GSAP: variants seen among roughly 807,000 people sequenced by gnomAD.
GSAP encodes the protein gamma-secretase-activating protein.
GSAP carries 118 observed loss-of-function variants against 131.7 expected under a neutral mutation model. That is an observed-to-expected ratio of 0.90 (90% confidence interval 0.77 to 1.04). The LOEUF is 1.04. Ranked by LOEUF, GSAP falls within the 50% of genes least tolerant of loss-of-function variation. The pLI, the probability that GSAP is intolerant of heterozygous loss-of-function variation, is 0.00. For synonymous variants in GSAP, 381 were observed against 363.4 expected, an observed-to-expected ratio of 1.05 and a Z score of -0.55; for missense variants, 1,019 against 1,013.2, an observed-to-expected ratio of 1.01 and a Z score of -0.08.
At chr7:77,358,195 A>G (rs1448376650) in intron 14 of GSAP, among the ~76,000 whole-genome samples, 1 of 152,172 alleles carries the variant, frequency 6.6e-6, no homozygotes, top group African/African-American at 2.4e-5. Context: ...ATAAAAAATT[A>G]GCTGGGCATG....
intron 1 of GSAP, among the ~76,000 whole-genome samples, chr7:77,408,877 A>G (rs146857545): frequency 2.3e-4 from 35 of 152,246 alleles, no homozygotes; most frequent in African/African-American, 8.4e-4. Context: ...AAAAGACAAG[A>G]TAAAAAATAA....
chr7:77,360,725 TC>T, intron 14 of GSAP, 98 bp downstream of exon 14: 1 of 672,548 alleles, frequency 1.5e-6, no homozygotes, highest in Non-Finnish European at 2.7e-6. Context: ...AATCCGAGTC[TC>T]AAAGAGGCAT....
intron 14 of GSAP, among the ~76,000 whole-genome samples, chr7:77,360,417 G>A (rs1258700748): frequency 6.6e-6 from 1 of 152,098 alleles, no homozygotes; most frequent in African/African-American, 2.4e-5. Context: ...ATTAGCAACA[G>A]GAAATAGACA....
chr7:77,381,753 C>T (rs1367105270), intron 7 of GSAP, among the ~76,000 whole-genome samples: 1 of 151,996 alleles, frequency 6.6e-6, no homozygotes, highest in Non-Finnish European at 1.5e-5. Flanking sequence ...TTTGTATGAA[C>T]ATACCAGATA....
At chr7:77,316,708 CT>C (rs1554371168) in intron 26 of GSAP, among the ~76,000 whole-genome samples, 1 of 152,090 alleles carries the variant, frequency 6.6e-6, no homozygotes, top group Non-Finnish European at 1.5e-5. Context: ...CCTGATGACC[CT>C]TCATCCTCTA....
intron 6 of GSAP, among the ~76,000 whole-genome samples, 181 bp from the exon 7 acceptor site, chr7:77,382,824 C>T (rs1421025748): frequency 6.6e-6 from 1 of 152,154 alleles, no homozygotes; most frequent in Non-Finnish European, 1.5e-5. Context: ...AAACAGAACA[C>T]TTTCAGAACC....
intron 19 of GSAP, among the ~76,000 whole-genome samples, chr7:77,331,435 C>A (rs1368013239): frequency 6.6e-6 from 1 of 152,134 alleles, no homozygotes; most frequent in African/African-American, 2.4e-5. Flanking sequence ...TTGACTGGGG[C>A]CAGAGATGTA....
chr7:77,405,045 T>A (rs1484298804), intron 2 of GSAP, among the ~76,000 whole-genome samples: 1 of 152,256 alleles, frequency 6.6e-6, no homozygotes, highest in African/African-American at 2.4e-5. Flanking sequence ...AGTACAGTGA[T>A]ATAACTGTGC....
rs1554395428 is a variant in GSAP, at chr7:77,346,287, A to AAAAAAAAAAAG, written c.1545+3063_1545+3064insCTTTTTTTTTT. Among the ~76,000 whole-genome samples, 5 of 150,308 alleles carry AAAAAAAAAAAG rather than the reference A, an allele frequency of 3.3e-5. No homozygotes were observed. In the East Asian group the frequency reaches 7.8e-4, roughly 24 times the overall value. On this transcript the variant is annotated intron_variant, in intron 19 of 30. Transcript: ENST00000257626. ...CTCCATCTCAAAAAAAAAAAAAAAA[A>AAAAAAAAAAAG]AAAGAAAGAAAGAAAAAAAATTCTC...
chr7:77,352,952 A>C lies in GSAP; in HGVS notation c.1483T>G (p.Trp495Gly). The C allele has an allele frequency of 2.5e-6, 4 of 1,574,716 alleles. No individual in the cohort carries two copies. The highest frequency in any genetic ancestry group is 1.1e-5 in the South Asian group (1 of 90,224). Residue 495 changes from tryptophan (W) to glycine (G), a missense_variant, in exon 18 of 31, where the codon TGG becomes GGG. Transcript: ENST00000257626. ...KLLPHSSVLT[W>G]NTEIPGITLV... ...ACACAGTGTTAACTTACTGTATTCC[A>C]AGTGAGCACTGAGGAATGTGGCAAT... is the stretch of plus-strand genomic sequence containing the variant.
chr7:77,323,958 C>T (rs1787982635), intron 23 of GSAP, among the ~76,000 whole-genome samples: 1 of 152,132 alleles, frequency 6.6e-6, no homozygotes, highest in African/African-American at 2.4e-5. Context: ...TATGATTCAC[C>T]CAAAGCCCCG....
At chr7:77,374,807 T>C (rs919284851) in intron 11 of GSAP, among the ~76,000 whole-genome samples, 3 of 152,178 alleles carry the variant, frequency 2.0e-5, no homozygotes, top group African/African-American at 4.8e-5. Flanking sequence ...TATATCCTTA[T>C]ACCAAAATAA....
Position 77,404,728 on chromosome 7 carries a change from G to A in GSAP, c.187-113C>T. On this transcript the variant is annotated intron_variant, in intron 2 of 30. Coordinates refer to ENST00000257626, the MANE Select transcript of GSAP (RefSeq NM_017439.4). Reference sequence around the variant, plus strand: ...AATCTTAGCAGTAAGCACTCTAAAAGAAGCTTTCTGTGCCTGTCAGAGGGG... The same window carrying A: ...AATCTTAGCAGTAAGCACTCTAAAAAAAGCTTTCTGTGCCTGTCAGAGGGG... The A allele has an allele frequency of 4.5e-6, 3 of 668,672 alleles. No individual in the cohort carries two copies. In the South Asian group the frequency reaches 5.1e-5, roughly 11 times the overall value. The allele number at this position is 668,672 out of a possible 1,614,324, so 41.4% of individuals were successfully genotyped here. A position where few individuals can be genotyped will look rare whatever the true frequency, so the allele number is the denominator to read the frequency against.
At chr7:77,313,056 G>A (rs1794585461) in intron 28 of GSAP, among the ~76,000 whole-genome samples, 1 of 151,784 alleles carries the variant, frequency 6.6e-6, no homozygotes, top group African/African-American at 2.4e-5. Flanking sequence ...TTCTTCCTTT[G>A]ACCTAGGAAT....
intron 18 of GSAP, among the ~76,000 whole-genome samples, chr7:77,349,948 C>T (rs761164461): frequency 6.6e-6 from 1 of 152,080 alleles, no homozygotes; most frequent in Non-Finnish European, 1.5e-5. Context: ...ATAAATCATG[C>T]TGCTATAAAG....
At position 77,326,205 on chromosome 7, in the gene GSAP, C is replaced by T; in HGVS notation, c.1827+7G>A. 6.2e-7 allele frequency: 1 copy of T among 1,607,072 alleles called. No homozygotes were observed. The highest frequency in any genetic ancestry group is 1.7e-5 in the Admixed American group (1 of 59,468). ...GCCAGCCCCTAAAGAACCCACGTAC[C>T]ACTTACCAGCCCCATGAGCAGCCGC... On this transcript the variant is annotated splice_region_variant and intron_variant, in intron 23 of 30. Coordinates refer to ENST00000257626, the MANE Select transcript of GSAP (RefSeq NM_017439.4).
At chr7:77,402,616 A>AAAAAT (rs375595494) in intron 3 of GSAP, among the ~76,000 whole-genome samples, 2,198 of 80,222 alleles carry the variant, frequency 0.027, 387 homozygotes, top group Non-Finnish European at 0.049. Flanking sequence ...AAAAAAAAAA[A>AAAAAT]GAATTTTAAA....
At chr7:77,350,310 T>G in intron 18 of GSAP, among the ~76,000 whole-genome samples, 1 of 142,418 alleles carries the variant, frequency 7.0e-6, no homozygotes, top group Non-Finnish European at 1.5e-5. Flanking sequence ...CATTAGGAGA[T>G]ATACCTAATG....
chr7:77,413,249 G>C (rs1803619836), intron 1 of GSAP, among the ~76,000 whole-genome samples: 1 of 152,322 alleles, frequency 6.6e-6, no homozygotes, highest in Non-Finnish European at 1.5e-5. Flanking sequence ...GTCCCTCAAA[G>C]AGGAAGCTTC....
Sources: gnomAD v4.1 joint callset for allele counts (sites outside exome capture counted in the v4.1 genomes callset) on GRCh38, gnomAD v4.1.1 for gene constraint, MANE v1.5 for transcripts, NCBI Gene and HGNC (gene_info 2026-07-23, HGNC 2026-07-21) for gene names.